Variants in DCLK2 observed in about 807,000 individuals in gnomAD.
DCLK2 encodes the protein serine/threonine-protein kinase DCLK2.
Under a neutral mutation model 78.4 loss-of-function variants are expected in DCLK2, and 31 were observed. The ratio of observed to expected loss-of-function variants is 0.40; its 90% CI spans 0.30 to 0.53. The LOEUF is 0.53. Ranked by LOEUF, DCLK2 falls within the 20% of genes least tolerant of loss-of-function variation. DCLK2 has a pLI of 0.61. For missense variants in DCLK2, 872 were observed against 973.7 expected, an observed-to-expected ratio of 0.90 and a Z score of 1.39; for synonymous variants, 407 against 374.9, an observed-to-expected ratio of 1.09 and a Z score of -0.99.
intron 10 of DCLK2, among the ~76,000 whole-genome samples, chr4:150,237,312 A>C (rs1742585469): frequency 6.6e-6 from 1 of 152,168 alleles, no homozygotes; most frequent in South Asian, 2.1e-4. Flanking sequence ...CTGTGACGTG[A>C]CTAAGAATCT....
At chr4:150,113,405 A>G (rs1453015541) in intron 2 of DCLK2, among the ~76,000 whole-genome samples, 2 of 151,768 alleles carry the variant, frequency 1.3e-5, no homozygotes, top group Non-Finnish European at 2.9e-5. Flanking sequence ...CAGTTTTTGT[A>G]TTATTTTGAT....
chr4:150,091,944 C>T lies in DCLK2; in HGVS notation c.422-10534C>T, dbSNP rs116745078. Among the ~76,000 whole-genome samples, 812 of 152,226 alleles carry T rather than the reference C, an allele frequency of 5.3e-3. 5 individuals are homozygous for T. Among genetic ancestry groups the T allele is most frequent in the African/African-American group, 0.019 (769 of 41,534 alleles). On this transcript the variant is annotated intron_variant, in intron 1 of 15. Coordinates refer to ENST00000296550, the MANE Select transcript of DCLK2 (RefSeq NM_001040260.4). ...TCATCTTCATAACTGGAACTTCGTA[C>T]TCATTGAGCAGCAGCCTCCCATTTT...
intron 1 of DCLK2, 105 bp downstream of exon 1, chr4:150,079,553 C>A: frequency 1.7e-6 from 2 of 1,165,720 alleles, no homozygotes; most frequent in African/African-American, 1.6e-5. Flanking sequence ...CCAAGCCGCA[C>A]GGGAATTGAT....
chr4:150,172,538 C>T (rs1429909780), intron 2 of DCLK2, among the ~76,000 whole-genome samples: 11 of 139,878 alleles, frequency 7.9e-5, no homozygotes, highest in African/African-American at 2.9e-4. Flanking sequence ...ACCCGGGAGG[C>T]GGAGCTTGCA....
chr4:150,105,206 C>T (rs911700543), intron 2 of DCLK2, among the ~76,000 whole-genome samples: 7 of 151,898 alleles, frequency 4.6e-5, no homozygotes, highest in African/African-American at 9.7e-5. Flanking sequence ...CTAAGCATAA[C>T]GTAATGGGAA....
intron 1 of DCLK2, among the ~76,000 whole-genome samples, chr4:150,086,388 A>C (rs1342116176): frequency 6.6e-6 from 1 of 152,182 alleles, no homozygotes; most frequent in Non-Finnish European, 1.5e-5. Context: ...ATTTTTCTTC[A>C]AGAAAAATGA....
In DCLK2 at chr4:150,111,672, G is replaced by C. The variant is rs1050198516; in HGVS notation, c.756+8860G>C. 2.0e-5 allele frequency among the ~76,000 whole-genome samples: 3 copies of C among 152,058 alleles called. No homozygotes were observed. The South Asian group carries it at 6.2e-4, about 32-fold the overall frequency. ...ATTTTTGTATATGGTAAGGGGTAGG[G>C]AATCCAGTTTCATTCTTCTACATGT... is the stretch of plus-strand genomic sequence containing the variant. On this transcript the variant is annotated intron_variant, in intron 2 of 15. Coordinates refer to ENST00000296550, the MANE Select transcript of DCLK2 (RefSeq NM_001040260.4).
At chr4:150,227,658 G>T (rs1741717726) in intron 8 of DCLK2, among the ~76,000 whole-genome samples, 1 of 152,190 alleles carries the variant, frequency 6.6e-6, no homozygotes, top group Non-Finnish European at 1.5e-5. Context: ...GAATGCTATG[G>T]TATTTATAAA....
At chr4:150,110,847 G>T (rs187962858) in intron 2 of DCLK2, among the ~76,000 whole-genome samples, 1 of 151,978 alleles carries the variant, frequency 6.6e-6, no homozygotes, top group Non-Finnish European at 1.5e-5. Context: ...AGTATTCCAT[G>T]GTGTATATAT....
intron 1 of DCLK2, among the ~76,000 whole-genome samples, chr4:150,087,390 T>C (rs554687994): frequency 6.6e-6 from 1 of 152,246 alleles, no homozygotes; most frequent in Non-Finnish European, 1.5e-5. Flanking sequence ...GATCTCTTCC[T>C]TCACTATATG....
chr4:150,182,236 A>G (rs1338631353), intron 2 of DCLK2, among the ~76,000 whole-genome samples: 1 of 152,000 alleles, frequency 6.6e-6, no homozygotes, highest in Non-Finnish European at 1.5e-5. Flanking sequence ...CTGTAGAAAC[A>G]AAGTATCACT....
At chr4:150,155,002 G>A (rs1429649517) in intron 2 of DCLK2, among the ~76,000 whole-genome samples, 3 of 152,248 alleles carry the variant, frequency 2.0e-5, no homozygotes, top group Admixed American at 1.3e-4. Context: ...AGGCCTAGGC[G>A]GGTGGATCAC....
chr4:150,256,162 C>T lies in DCLK2; in HGVS notation c.2216C>T (p.Thr739Ile), dbSNP rs1744545587. The T allele has an allele frequency of 1.3e-6, 2 of 1,575,274 alleles. No homozygotes were observed. Among genetic ancestry groups the T allele is most frequent in the Non-Finnish European group, 1.7e-6 (2 of 1,161,072 alleles). Residue 739 changes from threonine (T) to isoleucine (I), a missense_variant, in exon 16 of 16, where the codon ACC becomes ATC. Around this residue, in one of 3 missense-constraint regions of DCLK2, gnomAD observed 219 missense variants for 230.1 expected, o/e 0.95. Coordinates refer to ENST00000296550, the MANE Select transcript of DCLK2 (RefSeq NM_001040260.4). Reference sequence around the variant, plus strand: ...CCTGGGGAAGCAGTCCCGGCCCCCACCCCTCCGGAATCTCCCACCCCCCAC... The same window carrying T: ...CCTGGGGAAGCAGTCCCGGCCCCCATCCCTCCGGAATCTCCCACCCCCCAC... The part of the protein sequence containing the change: ...PVPGEAVPAP[T>I]PPESPTPHPP...
At chr4:150,119,129 A>T (rs191185054) in intron 2 of DCLK2, among the ~76,000 whole-genome samples, 1 of 152,040 alleles carries the variant, frequency 6.6e-6, no homozygotes, top group Non-Finnish European at 1.5e-5. Flanking sequence ...TGGTTTTTCC[A>T]TGTAATCATG....
chr4:150,101,555 A>G (rs1730892657), intron 1 of DCLK2, among the ~76,000 whole-genome samples: 1 of 151,856 alleles, frequency 6.6e-6, no homozygotes, highest in Non-Finnish European at 1.5e-5. Context: ...CCTTAGTATA[A>G]CCCTCTTATC....
At chr4:150,140,005 A>G (rs1468388532) in intron 2 of DCLK2, among the ~76,000 whole-genome samples, 1 of 152,244 alleles carries the variant, frequency 6.6e-6, no homozygotes. Flanking sequence ...GCTTAGCCTC[A>G]TACAGTCTAT....
chr4:150,245,602 G>A (rs1210917593), intron 12 of DCLK2, among the ~76,000 whole-genome samples: 2 of 152,146 alleles, frequency 1.3e-5, no homozygotes, highest in East Asian at 3.9e-4. Flanking sequence ...CCACCTATGA[G>A]TGAGAACATG....
chr4:150,084,520 A>G (rs1729516789), intron 1 of DCLK2, among the ~76,000 whole-genome samples: 1 of 152,196 alleles, frequency 6.6e-6, no homozygotes, highest in Admixed American at 6.5e-5. Context: ...GTGCTATAAT[A>G]CAGCTGCATA....
chr4:150,186,864 G>A (rs1580674644), intron 2 of DCLK2, among the ~76,000 whole-genome samples: 1 of 151,478 alleles, frequency 6.6e-6, no homozygotes, highest in African/African-American at 2.4e-5. Context: ...CTGCACTCCA[G>A]CCTGGGCAAC....
Sources: gnomAD v4.1 joint callset for allele counts (sites outside exome capture counted in the v4.1 genomes callset) on GRCh38, gnomAD v4.1.1 for gene constraint, gnomAD v4.1.1 regional missense constraint, MANE v1.5 for transcripts, NCBI Gene and HGNC (gene_info 2026-07-23, HGNC 2026-07-21) for gene names.